CSMD1: variants seen among roughly 807,000 people sequenced by gnomAD.
CSMD1 encodes the protein CUB and sushi domain-containing protein 1.
A neutral mutation model predicts 417.5 loss-of-function variants in CSMD1; 213 were observed. That is an observed-to-expected ratio of 0.51 (90% CI 0.46 to 0.57). CSMD1 has a LOEUF of 0.57. Ranked by LOEUF, CSMD1 falls within the 20% of genes least tolerant of loss-of-function variation. CSMD1 has a pLI of 0.00. For synonymous variants in CSMD1, 2,862 were observed against 1,736.8 expected, an observed-to-expected ratio of 1.65 and a Z score of -16.11; for missense variants, 6,923 against 4,529.7, an observed-to-expected ratio of 1.53 and a Z score of -15.17.
chr8:3,154,293 A>T (rs1819381276), intron 39 of CSMD1, among the ~76,000 whole-genome samples: 1 of 152,168 alleles, frequency 6.6e-6, no homozygotes, highest in African/African-American at 2.4e-5. Flanking sequence ...TTTTAAGGCG[A>T]CTGGGCTTGC....
At chr8:4,195,411 C>T (rs889264958) in intron 3 of CSMD1, among the ~76,000 whole-genome samples, 3 of 152,054 alleles carry the variant, frequency 2.0e-5, no homozygotes, top group East Asian at 1.9e-4. Context: ...TTTGACCCAC[C>T]GATGCAAGAC....
At chr8:3,057,410 T>A (rs1812306758) in intron 49 of CSMD1, among the ~76,000 whole-genome samples, 3 of 152,138 alleles carry the variant, frequency 2.0e-5, no homozygotes, top group Admixed American at 1.3e-4. Flanking sequence ...TAGGAAACAC[T>A]AACTTAAGGG....
At chr8:3,227,298 G>C (rs1447149540) in intron 27 of CSMD1, among the ~76,000 whole-genome samples, 1 of 128,320 alleles carries the variant, frequency 7.8e-6, no homozygotes, top group African/African-American at 3.1e-5. Flanking sequence ...CTACTTGGGA[G>C]GCTGAGGCAG....
intron 2 of CSMD1, among the ~76,000 whole-genome samples, chr8:4,485,858 A>G (rs1316148921): frequency 1.3e-5 from 2 of 151,972 alleles, no homozygotes; most frequent in African/African-American, 2.4e-5. Context: ...CAAAAACCCC[A>G]TTATGGTGAC....
chr8:3,510,047 G>C (rs144773790), intron 10 of CSMD1, among the ~76,000 whole-genome samples: 11 of 152,252 alleles, frequency 7.2e-5, no homozygotes, highest in African/African-American at 1.7e-4. Flanking sequence ...CTCTACATCA[G>C]TGAAACACCG....
At chr8:4,286,350 G>A (rs1001174991) in intron 3 of CSMD1, among the ~76,000 whole-genome samples, 3 of 152,036 alleles carry the variant, frequency 2.0e-5, no homozygotes, top group Non-Finnish European at 4.4e-5. Context: ...AAAAAACAAC[G>A]TTTTTCCTTC....
intron 2 of CSMD1, among the ~76,000 whole-genome samples, chr8:4,544,202 T>C (rs185160383): frequency 1.3e-5 from 2 of 152,284 alleles, no homozygotes; most frequent in Admixed American, 6.5e-5. Flanking sequence ...CCTAAAGCCA[T>C]CTGAGTTTCC....
intron 3 of CSMD1, among the ~76,000 whole-genome samples, chr8:4,131,290 C>G (rs1275514320): frequency 2.6e-5 from 4 of 152,160 alleles, no homozygotes; most frequent in Admixed American, 2.6e-4. Flanking sequence ...GAGGCTGAAT[C>G]TACACAGAGC....
At chr8:4,359,181 T>G (rs1801611073) in intron 3 of CSMD1, among the ~76,000 whole-genome samples, 1 of 152,158 alleles carries the variant, frequency 6.6e-6, no homozygotes, top group African/African-American at 2.4e-5. Context: ...TTATCAGCAA[T>G]TTCACAAAAG....
chr8:4,828,341 T>C (rs139131102), intron 1 of CSMD1, among the ~76,000 whole-genome samples: 1 of 152,200 alleles, frequency 6.6e-6, no homozygotes, highest in Non-Finnish European at 1.5e-5. Flanking sequence ...GAAAATAAGG[T>C]AGCATAAGCC....
rs531557406 is a variant in CSMD1, at chr8:3,366,009, T to C, written c.3115+1023A>G. On this transcript the variant is annotated intron_variant, in intron 20 of 69. Transcript: ENST00000635120. Reference sequence around the variant, plus strand: ...TACTCAACTATTGTGACACATAATCTCATAAGTGGCATCAGAAGTTATTAA... The same window carrying C: ...TACTCAACTATTGTGACACATAATCCCATAAGTGGCATCAGAAGTTATTAA... Among the ~76,000 whole-genome samples, 8 of 152,274 alleles carry C rather than the reference T, an allele frequency of 5.3e-5. No homozygotes were observed. In the South Asian group the frequency reaches 1.7e-3, roughly 32 times the overall value.
At chr8:3,561,383 A>G (rs1799460093) in intron 10 of CSMD1, among the ~76,000 whole-genome samples, 1 of 152,236 alleles carries the variant, frequency 6.6e-6, no homozygotes, top group Non-Finnish European at 1.5e-5. Flanking sequence ...GAATCAACTT[A>G]AGTGTCCAAC....
At chr8:4,102,306 C>T (rs2130882111) in intron 3 of CSMD1, among the ~76,000 whole-genome samples, 1 of 152,214 alleles carries the variant, frequency 6.6e-6, no homozygotes, top group Non-Finnish European at 1.5e-5. Context: ...ATGATCTTAG[C>T]TTTTTCTATT....
At chr8:4,724,602 A>C (rs763512067) in intron 1 of CSMD1, among the ~76,000 whole-genome samples, 1 of 151,722 alleles carries the variant, frequency 6.6e-6, no homozygotes, top group Non-Finnish European at 1.5e-5. Flanking sequence ...AAGAATTGAC[A>C]TAATATATTA....
intron 6 of CSMD1, among the ~76,000 whole-genome samples, chr8:3,753,647 C>T (rs2623729): frequency 0.24 from 36,420 of 152,030 alleles, 4,776 homozygotes; most frequent in East Asian, 0.44. Flanking sequence ...AGATTAGATG[C>T]ATAATAATTA....
At chr8:3,581,641 T>A (rs574411219) in intron 9 of CSMD1, among the ~76,000 whole-genome samples, 1 of 152,216 alleles carries the variant, frequency 6.6e-6, no homozygotes, top group East Asian at 1.9e-4. Context: ...CTCGCTGGAA[T>A]ACCTTTATGC....
rs764298130 is a variant in CSMD1 at position 3,157,878 on chromosome 8, A to G, written c.5914+19T>C. The G allele has an allele frequency of 3.2e-6, 5 of 1,546,308 alleles. No homozygotes were observed. The highest frequency in any genetic ancestry group is 4.4e-6 in the Non-Finnish European group (5 of 1,141,868). On this transcript the variant is annotated intron_variant, in intron 39 of 69. Coordinates refer to ENST00000635120, the MANE Select transcript of CSMD1 (RefSeq NM_033225.6). Reference sequence around the variant, plus strand: ...CCAGTGTGTGCGCAGCAGCAGAGTTACAGAAGGTGCATCCTTACCAATGCA... The same window carrying G: ...CCAGTGTGTGCGCAGCAGCAGAGTTGCAGAAGGTGCATCCTTACCAATGCA...
intron 2 of CSMD1, among the ~76,000 whole-genome samples, chr8:4,579,424 T>C (rs747108461): frequency 6.6e-6 from 1 of 152,024 alleles, no homozygotes. Context: ...AATGGCGTGA[T>C]CTCAGCTCAG....
chr8:4,153,994 G>C (rs1278469131), intron 3 of CSMD1, among the ~76,000 whole-genome samples: 1 of 152,186 alleles, frequency 6.6e-6, no homozygotes, highest in African/African-American at 2.4e-5. Context: ...AGAATCCAAT[G>C]ATAGCTTTCC....
Sources: allele counts gnomAD v4.1 joint callset (sites outside exome capture counted in the v4.1 genomes callset), GRCh38; gene constraint gnomAD v4.1.1; transcripts MANE v1.5; gene names NCBI Gene and HGNC (gene_info 2026-07-23, HGNC 2026-07-21).